Variants in INPP4B observed in about 807,000 individuals in gnomAD.
INPP4B encodes inositol polyphosphate-4-phosphatase type II B.
A neutral mutation model predicts 122.5 loss-of-function variants in INPP4B; 55 were observed. That is an observed-to-expected ratio of 0.45 (90% CI 0.36 to 0.56). The LOEUF (loss-of-function observed/expected upper bound fraction) is 0.56. Among genes scored for constraint, INPP4B ranks in the 20% least tolerant of loss-of-function variants. The pLI, the probability that INPP4B is intolerant of heterozygous loss-of-function variation, is 0.00. For synonymous variants in INPP4B, 403 were observed against 388.7 expected, an observed-to-expected ratio of 1.04 and a Z score of -0.43; for missense variants, 1,000 against 1,097.7, an observed-to-expected ratio of 0.91 and a Z score of 1.26.
At chr4:142,653,206 T>G (rs1753393520) in intron 2 of INPP4B, among the ~76,000 whole-genome samples, 1 of 152,144 alleles carries the variant, frequency 6.6e-6, no homozygotes, top group Admixed American at 6.5e-5. Flanking sequence ...TCCTTACACC[T>G]TATACAAAAC....
At chr4:142,448,803 C>CATAA (rs1181607856) in intron 3 of INPP4B, among the ~76,000 whole-genome samples, 3 of 151,980 alleles carry the variant, frequency 2.0e-5, no homozygotes, top group East Asian at 1.9e-4. Context: ...CCAAAAGTAA[C>CATAA]ATAAATAAAT....
intron 2 of INPP4B, among the ~76,000 whole-genome samples, chr4:142,500,509 C>G (rs1823227314): frequency 6.6e-6 from 1 of 152,148 alleles, no homozygotes; most frequent in Non-Finnish European, 1.5e-5. Flanking sequence ...GGGAGCCATC[C>G]CTTTGAAATG....
intron 2 of INPP4B, among the ~76,000 whole-genome samples, chr4:142,547,749 G>GA (rs1336823057): frequency 2.6e-5 from 4 of 152,028 alleles, no homozygotes; most frequent in South Asian, 2.1e-4. Context: ...AATTTACATT[G>GA]AAAAAATGAC....
At chr4:142,462,136 TTTAGGTC>T (rs1169283687) in intron 3 of INPP4B, among the ~76,000 whole-genome samples, 9 of 152,168 alleles carry the variant, frequency 5.9e-5, no homozygotes, top group Admixed American at 2.0e-4. Context: ...ATTCTCAAAC[TTTAGGTC>T]TTAGGTTAAA....
At chr4:142,353,264 CCTTATATTG>C (rs1332423931) in intron 7 of INPP4B, among the ~76,000 whole-genome samples, 1 of 151,912 alleles carries the variant, frequency 6.6e-6, no homozygotes, top group African/African-American at 2.4e-5. Context: ...GAAAACAGAA[CCTTATATTG>C]CAATGCTTTC....
chr4:142,119,673 C>T (rs1301317934), intron 21 of INPP4B, among the ~76,000 whole-genome samples: 1 of 151,570 alleles, frequency 6.6e-6, no homozygotes, highest in African/African-American at 2.4e-5. Context: ...AGAGGGATAG[C>T]ATTAGGAGAT....
chr4:142,772,862 T>C (rs1383051874), intron 1 of INPP4B, among the ~76,000 whole-genome samples: 3 of 151,956 alleles, frequency 2.0e-5, no homozygotes, highest in Non-Finnish European at 4.4e-5. Flanking sequence ...CTGGGTAACA[T>C]GGTGAAACGC....
At chr4:142,612,168 G>T (rs191888723) in intron 2 of INPP4B, among the ~76,000 whole-genome samples, 1 of 152,264 alleles carries the variant, frequency 6.6e-6, no homozygotes, top group African/African-American at 2.4e-5. Context: ...GCTGGTTGCA[G>T]CTCTCTAGGA....
At chr4:142,208,659 G>T in intron 13 of INPP4B, 130 bp from the exon 14 acceptor site, 2 of 534,582 alleles carry the variant, frequency 3.7e-6, no homozygotes, top group Non-Finnish European at 6.1e-6. Context: ...TTTATGAGTT[G>T]CTTTTCTTTT....
At chr4:142,156,520 G>A (rs187081266) in intron 17 of INPP4B, among the ~76,000 whole-genome samples, 1 of 152,106 alleles carries the variant, frequency 6.6e-6, no homozygotes, top group Non-Finnish European at 1.5e-5. Flanking sequence ...GGCACAGATT[G>A]TTATACAATC....
chr4:142,479,692 A>G (rs974842707), intron 2 of INPP4B, among the ~76,000 whole-genome samples: 1 of 152,180 alleles, frequency 6.6e-6, no homozygotes, highest in African/African-American at 2.4e-5. Flanking sequence ...CATAATCCTA[A>G]GCGAACTAAT....
intron 2 of INPP4B, among the ~76,000 whole-genome samples, chr4:142,578,154 C>T (rs1449171468): frequency 6.6e-6 from 1 of 151,886 alleles, no homozygotes; most frequent in Non-Finnish European, 1.5e-5. Context: ...TTGTGAATGA[C>T]ACAAAAATTG....
At chr4:142,668,070 A>C (rs1756412681) in intron 2 of INPP4B, among the ~76,000 whole-genome samples, 1 of 152,148 alleles carries the variant, frequency 6.6e-6, no homozygotes, top group Non-Finnish European at 1.5e-5. Context: ...AAACCAAAGA[A>C]AGTACAAAAA....
chr4:142,818,220 C>G (rs1433357414), intron 1 of INPP4B, among the ~76,000 whole-genome samples: 4 of 152,174 alleles, frequency 2.6e-5, no homozygotes, highest in African/African-American at 9.6e-5. Flanking sequence ...CCCCCCTACT[C>G]CCCTGCCCTG....
chr4:142,235,629 A>G (rs2322548), intron 12 of INPP4B, among the ~76,000 whole-genome samples: 21,239 of 151,962 alleles, frequency 0.14, 1,771 homozygotes, highest in African/African-American at 0.23. Flanking sequence ...GTTTCACTGT[A>G]TTAGCCAGGA....
chr4:142,194,139 T>C (rs937196945), intron 14 of INPP4B, among the ~76,000 whole-genome samples: 1 of 152,136 alleles, frequency 6.6e-6, no homozygotes, highest in Non-Finnish European at 1.5e-5. Flanking sequence ...TCAATCCAGA[T>C]GCATCTAAAA....
intron 2 of INPP4B, among the ~76,000 whole-genome samples, chr4:142,642,381 T>C (rs1750706991): frequency 6.6e-6 from 1 of 152,346 alleles, no homozygotes; most frequent in Middle Eastern, 3.4e-3. Flanking sequence ...GGTTTTCTTC[T>C]AGGGTTTTTA....
chr4:142,726,539 T>C (rs1251268411), intron 1 of INPP4B, among the ~76,000 whole-genome samples: 2 of 152,206 alleles, frequency 1.3e-5, no homozygotes, highest in East Asian at 3.8e-4. Flanking sequence ...TATAACAATC[T>C]TGAGGAGTAT....
At chr4:142,562,648 A>G (rs2150125965) in intron 2 of INPP4B, among the ~76,000 whole-genome samples, 1 of 152,232 alleles carries the variant, frequency 6.6e-6, no homozygotes, top group East Asian at 1.9e-4. Context: ...GTTGCACAAA[A>G]CCCATTTTGT....
Sources: gnomAD v4.1 joint callset for allele counts (sites outside exome capture counted in the v4.1 genomes callset) on GRCh38, gnomAD v4.1.1 for gene constraint, MANE v1.5 for transcripts, NCBI Gene and HGNC (gene_info 2026-07-23, HGNC 2026-07-21) for gene names.